The following COL8A1 variants were observed in gnomAD, a reference collection of about 807,000 sequenced individuals.
COL8A1 encodes collagen type VIII alpha 1 chain, also known as collagen alpha-1(VIII) chain.
Under a neutral mutation model 42.7 loss-of-function variants are expected in COL8A1, and 21 were observed. The observed-to-expected ratio is 0.49, with a 90% CI of 0.35 to 0.71. The LOEUF (loss-of-function observed/expected upper bound fraction) is 0.71. COL8A1 is among the 30% of genes least tolerant of loss of function. COL8A1 has a pLI of 0.01. For synonymous variants in COL8A1, 367 were observed against 369.1 expected, an observed-to-expected ratio of 0.99 and a Z score of 0.06; for missense variants, 788 against 962.4, an observed-to-expected ratio of 0.82 and a Z score of 2.40.
chr3:99,707,419 TG>T (rs1019916182), intron 1 of COL8A1, among the ~76,000 whole-genome samples: 115 of 152,286 alleles, frequency 7.6e-4, no homozygotes, highest in African/African-American at 2.6e-3. Context: ...TTCATGTTAG[TG>T]GTAAAACCAA....
chr3:99,790,023 G>A (rs1160097432), intron 2 of COL8A1, among the ~76,000 whole-genome samples: 1 of 152,172 alleles, frequency 6.6e-6, no homozygotes, highest in Non-Finnish European at 1.5e-5. Context: ...CATCAAAGCA[G>A]CCCTCATCTG....
At chr3:99,698,288 T>C (rs1272323572) in intron 1 of COL8A1, among the ~76,000 whole-genome samples, 4 of 152,238 alleles carry the variant, frequency 2.6e-5, no homozygotes, top group African/African-American at 9.6e-5. Flanking sequence ...TGTGTGCATG[T>C]GTCTTTATAG....
intron 1 of COL8A1, among the ~76,000 whole-genome samples, chr3:99,743,294 T>G (rs578195486): frequency 2.4e-4 from 36 of 152,336 alleles, no homozygotes; most frequent in Admixed American, 9.8e-4. Context: ...ATCCCATGGC[T>G]TTCCAGAGGC....
chr3:99,766,748 G>C (rs554085515), intron 2 of COL8A1, among the ~76,000 whole-genome samples: 1 of 152,068 alleles, frequency 6.6e-6, no homozygotes, highest in African/African-American at 2.4e-5. Flanking sequence ...TCAGGAGTTC[G>C]AGACCAGCCT....
chr3:99,776,477 C>T (rs1025508257), intron 2 of COL8A1, among the ~76,000 whole-genome samples: 2 of 152,070 alleles, frequency 1.3e-5, no homozygotes, highest in Non-Finnish European at 2.9e-5. Context: ...GGTGTGTGGT[C>T]ATGAGCTCAG....
chr3:99,791,052 C>G, intron 3 of COL8A1, 42 bp downstream of exon 3: 1 of 1,518,734 alleles, frequency 6.6e-7, no homozygotes, highest in South Asian at 1.2e-5. Context: ...AACAGCTTTC[C>G]AAATCTCTAA....
chr3:99,775,477 C>G (rs918193178), intron 2 of COL8A1, among the ~76,000 whole-genome samples: 2 of 152,176 alleles, frequency 1.3e-5, no homozygotes. Flanking sequence ...TTCCGTGGAG[C>G]TTTGGTGGAG....
intron 1 of COL8A1, among the ~76,000 whole-genome samples, chr3:99,694,351 C>A (rs1939308755): frequency 6.6e-6 from 1 of 152,018 alleles, no homozygotes; most frequent in Admixed American, 6.6e-5. Context: ...GTCATGGTGC[C>A]TGTAGCCCCA....
At chr3:99,787,622 G>A (rs190823929) in intron 2 of COL8A1, among the ~76,000 whole-genome samples, 17 of 152,228 alleles carry the variant, frequency 1.1e-4, no homozygotes, top group East Asian at 7.7e-4. Flanking sequence ...TCTGAGGGAT[G>A]GGCAGAGATT....
At chr3:99,642,803 A>G (rs1937531080) in intron 1 of COL8A1, among the ~76,000 whole-genome samples, 1 of 152,202 alleles carries the variant, frequency 6.6e-6, no homozygotes, top group Admixed American at 6.5e-5. Context: ...TCTCTTAAAT[A>G]GGATATAAAT....
rs191900408 is a variant in COL8A1 at position 99,708,021 on chromosome 3, C to A, written c.-128-36876C>A. Among the ~76,000 whole-genome samples, 19 of 152,204 alleles carry A rather than the reference C, an allele frequency of 1.2e-4. No homozygotes were observed. In the South Asian group the frequency reaches 3.5e-3, roughly 28 times the overall value. Reference sequence around the variant, plus strand: ...GACCTAAAAGTCTTACTCCAGAGCTCCCCTCTTAGCTGTGAACTCCATCCA... The same window carrying A: ...GACCTAAAAGTCTTACTCCAGAGCTACCCTCTTAGCTGTGAACTCCATCCA... On this transcript the variant is annotated intron_variant, in intron 1 of 3. Transcript: ENST00000652472.
At chr3:99,714,741 A>C (rs962345303) in intron 1 of COL8A1, among the ~76,000 whole-genome samples, 1 of 152,076 alleles carries the variant, frequency 6.6e-6, no homozygotes, top group South Asian at 2.1e-4. Context: ...TCCTTATCTA[A>C]AAGTGCTCAC....
intron 2 of COL8A1, among the ~76,000 whole-genome samples, chr3:99,785,638 GA>G (rs1240517584): frequency 6.6e-6 from 1 of 152,204 alleles, no homozygotes; most frequent in East Asian, 1.9e-4. Context: ...GGCCTTTAAA[GA>G]GGAAATTAAG....
chr3:99,713,037 C>T (rs1027736117), intron 1 of COL8A1, among the ~76,000 whole-genome samples: 7 of 152,056 alleles, frequency 4.6e-5, no homozygotes, highest in Non-Finnish European at 1.5e-5. Context: ...AAAAGAGTAA[C>T]AAAAATTCTG....
At chr3:99,711,580 T>C (rs1262913269) in intron 1 of COL8A1, among the ~76,000 whole-genome samples, 2 of 152,010 alleles carry the variant, frequency 1.3e-5, no homozygotes, top group Non-Finnish European at 1.5e-5. Flanking sequence ...GACAAACAAA[T>C]GGAAGTGACC....
intron 2 of COL8A1, among the ~76,000 whole-genome samples, chr3:99,748,607 T>C (rs1433648098): frequency 1.3e-5 from 2 of 152,224 alleles, no homozygotes; most frequent in African/African-American, 4.8e-5. Flanking sequence ...ATTGTCCCTA[T>C]GCGACAGCAC....
chr3:99,739,722 C>T (rs1331394556), intron 1 of COL8A1, among the ~76,000 whole-genome samples: 2 of 152,162 alleles, frequency 1.3e-5, no homozygotes, highest in East Asian at 3.9e-4. Flanking sequence ...CCCACAAAAC[C>T]ATTTTTTCTT....
intron 1 of COL8A1, among the ~76,000 whole-genome samples, chr3:99,734,060 C>G (rs1014315023): frequency 1.3e-5 from 2 of 151,984 alleles, no homozygotes; most frequent in Non-Finnish European, 2.9e-5. Context: ...CCCTTTGTCA[C>G]ATGAGTAGGT....
intron 1 of COL8A1, among the ~76,000 whole-genome samples, chr3:99,723,461 A>C (rs1252564997): frequency 6.6e-6 from 1 of 152,168 alleles, no homozygotes; most frequent in Non-Finnish European, 1.5e-5. Context: ...TAAAACAAAA[A>C]CAAAAACAAA....
Sources: allele counts gnomAD v4.1 joint callset (sites outside exome capture counted in the v4.1 genomes callset), GRCh38; gene constraint gnomAD v4.1.1; transcripts MANE v1.5; gene names NCBI Gene and HGNC (gene_info 2026-07-23, HGNC 2026-07-21).